The following XRN1 variants were observed in gnomAD, a reference collection of about 807,000 sequenced individuals.
XRN1 encodes the protein 5'-3' exoribonuclease 1.
In XRN1, 67 loss-of-function variants were observed where a neutral mutation model predicts 222.3. The observed-to-expected ratio is 0.30, with a 90% CI of 0.25 to 0.37. The LOEUF is 0.37. Among genes scored for constraint, XRN1 ranks in the 10% least tolerant of loss-of-function variants. The probability of loss-of-function intolerance (pLI) is 1.00; values close to 1 mark genes in which losing one functional copy is unlikely to be tolerated. For missense variants in XRN1, 1,707 were observed against 2,000.2 expected, an observed-to-expected ratio of 0.85 and a Z score of 2.80; for synonymous variants, 643 against 652.4, an observed-to-expected ratio of 0.99 and a Z score of 0.22.
intron 37 of XRN1, among the ~76,000 whole-genome samples, chr3:142,325,378 T>C (rs1334711541): frequency 6.6e-6 from 1 of 152,158 alleles, no homozygotes; most frequent in African/African-American, 2.4e-5. Context: ...TTAGAAATGT[T>C]TGCTGAGATC....
chr3:142,424,186 C>A (rs2108119983), intron 5 of XRN1, among the ~76,000 whole-genome samples: 1 of 152,228 alleles, frequency 6.6e-6, no homozygotes, highest in South Asian at 2.1e-4. Context: ...CTCCACCTCC[C>A]AGGTTCAAGC....
chr3:142,412,744 C>T (rs2068634122), intron 14 of XRN1, 81 bp from the exon 15 acceptor site: 9 of 1,153,790 alleles, frequency 7.8e-6, no homozygotes, highest in Non-Finnish European at 1.0e-5. Flanking sequence ...TATAATATTT[C>T]CTCATGTTAG....
rs148578503 is a variant in XRN1 at position 142,428,204 on chromosome 3, C to T, written c.309-1363G>A. Among the ~76,000 whole-genome samples the T allele has an allele frequency of 5.1e-3, 780 of 152,026 alleles. 9 individuals are homozygous for T. Among genetic ancestry groups the T allele is most frequent in the African/African-American group, 0.018 (758 of 41,448 alleles). On this transcript the variant is annotated intron_variant, in intron 2 of 40. Coordinates refer to ENST00000392981, the MANE Select transcript of XRN1 (RefSeq NM_001282857.2). ...GGTCAGGAGTTTGAGACCAGCCTGG[C>T]CAACATGGTGAAACCCCATCTCTGT... is the stretch of plus-strand genomic sequence containing the variant.
intron 40 of XRN1, among the ~76,000 whole-genome samples, 174 bp downstream of exon 40, chr3:142,312,424 A>G (rs2065101462): frequency 6.6e-6 from 1 of 152,222 alleles, no homozygotes; most frequent in African/African-American, 2.4e-5. Flanking sequence ...GTTTATTAGA[A>G]CACAAACTCA....
At chr3:142,414,104 G>A in intron 14 of XRN1, 31 bp downstream of exon 14, 1 of 1,550,748 alleles carries the variant, frequency 6.4e-7, no homozygotes, top group Non-Finnish European at 8.7e-7. Flanking sequence ...ATATCAAAAA[G>A]GACATAAAAA....
chr3:142,312,783 T>C, intron 39 of XRN1, 25 bp from the exon 40 acceptor site: 2 of 1,574,354 alleles, frequency 1.3e-6, no homozygotes, highest in Non-Finnish European at 1.7e-6. Context: ...GGAAAATTTT[T>C]CTTTTAGTAA....
At chr3:142,334,836 ATTAAT>A (rs2065807726) in intron 34 of XRN1, among the ~76,000 whole-genome samples, 1 of 146,402 alleles carries the variant, frequency 6.8e-6, no homozygotes, top group Non-Finnish European at 1.5e-5. Flanking sequence ...ACTACAAGTG[ATTAAT>A]TTTTTTTTTT....
intron 34 of XRN1, among the ~76,000 whole-genome samples, chr3:142,335,098 C>A (rs2065817840): frequency 6.6e-6 from 1 of 151,952 alleles, no homozygotes; most frequent in South Asian, 2.1e-4. Context: ...ACCTTGGCCT[C>A]CCAAAGTGCT....
Position 142,418,894 on chromosome 3 carries a change from A to C in XRN1, c.1174-13T>G. The C allele has an allele frequency of 6.2e-7, 1 of 1,611,684 alleles. No individual in the cohort carries two copies. The highest frequency in any genetic ancestry group is 2.2e-5 in the East Asian group (1 of 44,802). On this transcript the variant is annotated splice_polypyrimidine_tract_variant and intron_variant, in intron 10 of 40. Transcript: ENST00000392981. ...AATTTTCCTGGCCCTGTAAATTGTA[A>C]ATCAACATAAAATGAATGGCAAGAT...
intron 33 of XRN1, among the ~76,000 whole-genome samples, chr3:142,337,517 C>A (rs1320517993): frequency 1.3e-5 from 2 of 152,028 alleles, no homozygotes; most frequent in African/African-American, 4.8e-5. Flanking sequence ...ATATTTTGAA[C>A]ATAAAGAATA....
chr3:142,437,952 A>G (rs919692442), intron 1 of XRN1, among the ~76,000 whole-genome samples: 11 of 152,216 alleles, frequency 7.2e-5, no homozygotes, highest in Non-Finnish European at 4.4e-5. Context: ...GGTGCTCAAC[A>G]TCACTGATCA....
At position 142,310,096 on chromosome 3, in the gene XRN1, T is replaced by A. The variant is rs2065046162; in HGVS notation, c.*1415A>T. On this transcript the variant is annotated 3_prime_UTR_variant, in exon 41 of 41. Coordinates refer to ENST00000392981, the MANE Select transcript of XRN1 (RefSeq NM_001282857.2). ...CACTGCTAATACACAAATATCCTGC[T>A]AACATTTAAACTCTGAAATCAGCAG... 6.6e-6 allele frequency: 1 copy of A among 152,626 alleles called. No individual in the cohort carries two copies. The highest frequency in any genetic ancestry group is 1.5e-5 in the Non-Finnish European group (1 of 68,028). The allele number at this position is 152,626 out of a possible 1,614,324, so 9.5% of individuals were successfully genotyped here.
chr3:142,423,450 T>G, intron 6 of XRN1, 110 bp downstream of exon 6: 3 of 791,396 alleles, frequency 3.8e-6, no homozygotes, highest in Non-Finnish European at 3.7e-6. Context: ...ATCAACATAG[T>G]GAAAAGGCAA....
chr3:142,368,396 G>T (rs549193247), intron 27 of XRN1, among the ~76,000 whole-genome samples: 1 of 152,038 alleles, frequency 6.6e-6, no homozygotes, highest in African/African-American at 2.4e-5. Flanking sequence ...TGATCCACCC[G>T]CCTTGGCCTC....
chr3:142,409,956 T>C (rs2068500826), intron 15 of XRN1, among the ~76,000 whole-genome samples: 1 of 152,228 alleles, frequency 6.6e-6, no homozygotes, highest in Non-Finnish European at 1.5e-5. Context: ...TTGTTGCTAG[T>C]ATATGGAAAT....
Position 142,426,783 on chromosome 3 carries a change from G to A in XRN1, c.367C>T (p.Pro123Ser), listed in dbSNP as rs1401171511. The change falls in exon 3 of 41, where the codon CCT (proline) becomes TCT (serine). Residue 123 changes from proline (P) to serine (S), a missense_variant. Around this residue, in one of 2 missense-constraint regions of XRN1, gnomAD observed 1,234 missense variants for 1,518.2 expected, o/e 0.81. Coordinates refer to ENST00000392981, the MANE Select transcript of XRN1 (RefSeq NM_001282857.2). ...TTGGAATCAAATCTGGCCTCTGTAGGAAGAGTTTCTCCCTTCTCTATTGCC... is the reference window on the plus strand; with the variant it reads ...TTGGAATCAAATCTGGCCTCTGTAGAAAGAGTTTCTCCCTTCTCTATTGCC... ...KKAIEKGETL[P>S]TEARFDSNCI... 15 of 1,613,698 alleles carry A rather than the reference G, an allele frequency of 9.3e-6. No individual in the cohort carries two copies. The highest frequency in any genetic ancestry group is 2.7e-5 in the African/African-American group (2 of 74,904).
At chr3:142,378,718 A>G (rs955978943) in intron 23 of XRN1, among the ~76,000 whole-genome samples, 6 of 152,116 alleles carry the variant, frequency 3.9e-5, no homozygotes. Context: ...AAATTATCAA[A>G]GAAATAATAC....
chr3:142,403,695 C>T lies in XRN1; in HGVS notation c.2082G>A (p.Val694=), dbSNP rs771107840. 1.9e-6 allele frequency: 3 copies of T among 1,613,092 alleles called. No individual in the cohort carries two copies. The highest frequency in any genetic ancestry group is 2.5e-6 in the Non-Finnish European group (3 of 1,179,430). The change falls in exon 18 of 41, where the codon GTG becomes GTA. Residue 694 remains valine, a synonymous_variant. Coordinates refer to ENST00000392981, the MANE Select transcript of XRN1 (RefSeq NM_001282857.2). ...TTACAAGTTCATCTGATTCTGCATC[C>T]ACTAAGATTTCCAACATCATGTTTT... ...RGENMMLEIL[V]DAESDELTVE...
intron 25 of XRN1, 53 bp from the exon 26 acceptor site, chr3:142,371,381 T>TA (rs2066988430): frequency 7.7e-7 from 1 of 1,303,334 alleles, no homozygotes; most frequent in Admixed American, 2.2e-5. Flanking sequence ...TAATTTCGGA[T>TA]AAACTTCCTA....
Sources: allele counts gnomAD v4.1 joint callset (sites outside exome capture counted in the v4.1 genomes callset), GRCh38; gene constraint gnomAD v4.1.1; regional missense constraint gnomAD v4.1.1; transcripts MANE v1.5; gene names NCBI Gene and HGNC (gene_info 2026-07-23, HGNC 2026-07-21).